FAF1: variants seen among roughly 807,000 people sequenced by gnomAD.
FAF1 encodes FAS-associated factor 1.
A neutral mutation model predicts 92.5 loss-of-function variants in FAF1; 25 were observed. That is an observed-to-expected ratio of 0.27 (90% confidence interval 0.20 to 0.38). FAF1 has a LOEUF of 0.38. Ranked by LOEUF, FAF1 falls within the 10% of genes least tolerant of loss-of-function variation. The probability of loss-of-function intolerance (pLI) is 1.00; values close to 1 mark genes in which losing one functional copy is unlikely to be tolerated. For missense variants in FAF1, 636 were observed against 793.3 expected (o/e 0.80, Z 2.38); for synonymous variants, 234 against 273.2 (o/e 0.86, Z 1.42).
chr1:50,904,653 T>C (rs755977750), intron 1 of FAF1, among the ~76,000 whole-genome samples: 6 of 152,142 alleles, frequency 3.9e-5, no homozygotes, highest in Non-Finnish European at 8.8e-5. Flanking sequence ...ATTTCCCTAG[T>C]GGATTTTATT....
chr1:50,492,813 T>C (rs1051941979), intron 15 of FAF1, among the ~76,000 whole-genome samples: 3 of 152,202 alleles, frequency 2.0e-5, no homozygotes, highest in African/African-American at 7.2e-5. Context: ...ACTGGCCTTA[T>C]TCCTGAAGCC....
intron 2 of FAF1, chr1:50,846,673 T>G (rs1326550988): frequency 1.8e-6 from 1 of 561,484 alleles, no homozygotes; most frequent in African/African-American, 1.9e-5. Context: ...TGAATTTTTA[T>G]GCACCAACCA....
chr1:50,739,404 G>A (rs1040730448), intron 5 of FAF1, among the ~76,000 whole-genome samples: 7 of 109,098 alleles, frequency 6.4e-5, no homozygotes, highest in Non-Finnish European at 1.3e-4. Context: ...TTATGTGTAT[G>A]TGTATACATG....
intron 7 of FAF1, among the ~76,000 whole-genome samples, chr1:50,688,075 C>T (rs1395988371): frequency 6.6e-6 from 1 of 151,638 alleles, no homozygotes; most frequent in African/African-American, 2.4e-5. Context: ...GTGGAGCTTG[C>T]AGGGAGCCGA....
intron 2 of FAF1, among the ~76,000 whole-genome samples, chr1:50,830,136 GAGAC>G (rs1400905499): frequency 6.6e-6 from 1 of 151,854 alleles, no homozygotes; most frequent in Admixed American, 6.6e-5. Context: ...TGGTTTTTTT[GAGAC>G]AGAGTCTTGC....
chr1:50,528,037 T>C (rs538748964), intron 15 of FAF1, among the ~76,000 whole-genome samples: 221 of 152,050 alleles, frequency 1.5e-3, no homozygotes, highest in Non-Finnish European at 2.3e-3. Context: ...TAATTTTTTT[T>C]CCCTATTTTT....
chr1:50,568,704 A>T (rs576250758), intron 12 of FAF1, among the ~76,000 whole-genome samples: 25 of 152,316 alleles, frequency 1.6e-4, no homozygotes, highest in South Asian at 6.2e-4. Flanking sequence ...TTAGTAACTA[A>T]TACAACGAGG....
intron 4 of FAF1, among the ~76,000 whole-genome samples, chr1:50,774,328 G>C (rs1005612453): frequency 5.3e-5 from 8 of 152,182 alleles, no homozygotes; most frequent in Admixed American, 6.6e-5. Flanking sequence ...AAGCATGGCT[G>C]AGGCATGTGG....
At chr1:50,564,896 T>G (rs1650101733) in intron 13 of FAF1, among the ~76,000 whole-genome samples, 1 of 152,150 alleles carries the variant, frequency 6.6e-6, no homozygotes, top group Non-Finnish European at 1.5e-5. Flanking sequence ...AAATGTGTAT[T>G]TTCCCATTTG....
At chr1:50,845,231 C>A (rs1465585085) in intron 2 of FAF1, among the ~76,000 whole-genome samples, 1 of 152,216 alleles carries the variant, frequency 6.6e-6, no homozygotes, top group Non-Finnish European at 1.5e-5. Context: ...AAGATGTACG[C>A]CTGCAGTTTC....
At chr1:50,852,422 A>G (rs144167825) in intron 2 of FAF1, among the ~76,000 whole-genome samples, 4 of 152,364 alleles carry the variant, frequency 2.6e-5, no homozygotes, top group Admixed American at 6.5e-5. Flanking sequence ...GACAAAATTA[A>G]TAAGAAACAC....
At chr1:50,589,485 T>A (rs934893373) in intron 9 of FAF1, among the ~76,000 whole-genome samples, 1 of 152,208 alleles carries the variant, frequency 6.6e-6, no homozygotes, top group Non-Finnish European at 1.5e-5. Flanking sequence ...ACTACAGCAG[T>A]AGCAGTCTTG....
chr1:50,635,239 A>G (rs780827196), intron 8 of FAF1, among the ~76,000 whole-genome samples: 8 of 152,236 alleles, frequency 5.3e-5, no homozygotes, highest in Non-Finnish European at 1.0e-4. Context: ...CTAATAAAGG[A>G]AGATAAAGGC....
chr1:50,752,310 A>AT (rs768961430), intron 4 of FAF1, among the ~76,000 whole-genome samples: 3 of 152,138 alleles, frequency 2.0e-5, no homozygotes, highest in Non-Finnish European at 4.4e-5. Context: ...TTCAATTTAT[A>AT]TATTTGATGT....
chr1:50,673,944 G>T (rs999519935), intron 7 of FAF1, among the ~76,000 whole-genome samples: 3 of 151,306 alleles, frequency 2.0e-5, no homozygotes, highest in Non-Finnish European at 2.9e-5. Context: ...GGAAATCTAT[G>T]TGACTCTGAG....
intron 14 of FAF1, among the ~76,000 whole-genome samples, chr1:50,536,524 T>C (rs927698562): frequency 1.3e-5 from 2 of 152,192 alleles, no homozygotes; most frequent in African/African-American, 4.8e-5. Context: ...CAGTGGTCCT[T>C]TCCCTAATTA....
chr1:50,585,329 T>G (rs1359155539), intron 9 of FAF1, among the ~76,000 whole-genome samples: 2 of 152,210 alleles, frequency 1.3e-5, no homozygotes, highest in Non-Finnish European at 2.9e-5. Flanking sequence ...ATATGAAAGC[T>G]CTTTGTAAAC....
At chr1:50,447,221 G>A (rs900941418) in intron 18 of FAF1, among the ~76,000 whole-genome samples, 4 of 149,450 alleles carry the variant, frequency 2.7e-5, no homozygotes, top group African/African-American at 1.0e-4. Flanking sequence ...CGCCTCCCGG[G>A]TTCATGCCAT....
At chr1:50,527,443 G>A (rs1372681071) in intron 15 of FAF1, among the ~76,000 whole-genome samples, 1 of 152,142 alleles carries the variant, frequency 6.6e-6, no homozygotes, top group Non-Finnish European at 1.5e-5. Flanking sequence ...TCTGTGGGTT[G>A]TACTTTCACT....
Sources: gnomAD v4.1 joint callset for allele counts (sites outside exome capture counted in the v4.1 genomes callset) on GRCh38, gnomAD v4.1.1 for gene constraint, MANE v1.5 for transcripts, NCBI Gene and HGNC (gene_info 2026-07-23, HGNC 2026-07-21) for gene names.